The following MSI1 variants were observed in gnomAD, a reference collection of about 807,000 sequenced individuals.
MSI1 encodes the protein RNA-binding protein Musashi homolog 1.
Under a neutral mutation model 54.4 loss-of-function variants are expected in MSI1, and 15 were observed. That is an observed-to-expected ratio of 0.28 (90% confidence interval 0.18 to 0.42). The LOEUF (loss-of-function observed/expected upper bound fraction) is 0.42. Among genes scored for constraint, MSI1 ranks in the 20% least tolerant of loss-of-function variants. The pLI, the probability that MSI1 is intolerant of heterozygous loss-of-function variation, is 1.00. For synonymous variants in MSI1, 200 were observed against 196.5 expected (o/e 1.02, Z -0.15); for missense variants, 304 against 506.0 (o/e 0.60, Z 3.83).
At chr12:120,345,778 G>T in intron 13 of MSI1, 146 bp from the exon 14 acceptor site, 1 of 941,920 alleles carries the variant, frequency 1.1e-6, no homozygotes, top group Non-Finnish European at 1.7e-6. Flanking sequence ...CTGCCTACCC[G>T]GATCACCCCC....
intron 11 of MSI1, 79 bp from the exon 12 acceptor site, chr12:120,347,593 G>C (rs1874246066): frequency 1.3e-6 from 2 of 1,571,670 alleles, no homozygotes; most frequent in African/African-American, 1.3e-5. Flanking sequence ...CTTTTAGGCA[G>C]AGCCTGTCCA....
At position 120,368,929 on chromosome 12, in the gene MSI1, AGGG is replaced by A; in HGVS notation, c.60-59_60-57del. 1 of 1,306,028 alleles carries A rather than the reference AGGG, an allele frequency of 7.7e-7. No individual in the cohort carries two copies. The highest frequency in any genetic ancestry group is 9.9e-7 in the Non-Finnish European group (1 of 1,008,960). 80.9% of individuals were successfully genotyped at this position (1,306,028 alleles called of 1,614,324 possible). ...GCGTGAGCGCCGGGCGCCAGGGCGC[AGGG>A]GGCGCGGGCCCGGGCTCCGGGGAGG... is the stretch of plus-strand genomic sequence containing the variant. On this transcript the variant is annotated intron_variant, in intron 1 of 14. Coordinates refer to ENST00000257552, the MANE Select transcript of MSI1 (RefSeq NM_002442.4). This position sits in a 1 kb window ranked among gnomAD's most constrained non-coding sequence, Gnocchi z 6.6.
At chr12:120,358,950 G>GC (rs1431955187) in intron 7 of MSI1, 55 bp downstream of exon 7, 3 of 1,545,476 alleles carry the variant, frequency 1.9e-6, no homozygotes, top group Admixed American at 2.0e-5. Flanking sequence ...GTGACCTGCA[G>GC]CCCCCTGGCT....
chr12:120,363,231 A>C (rs1875795691), intron 5 of MSI1, 96 bp from the exon 6 acceptor site: 5 of 991,666 alleles, frequency 5.0e-6, no homozygotes, highest in African/African-American at 1.6e-5. Flanking sequence ...GCCAGCTGAC[A>C]AGCTCTCTGT....
chr12:120,358,547 G>A (rs186134826), intron 7 of MSI1, among the ~76,000 whole-genome samples: 389 of 152,330 alleles, frequency 2.6e-3, no homozygotes, highest in Non-Finnish European at 4.2e-3. Context: ...TAAGGCCCTC[G>A]GGAGAAAAAC....
chr12:120,366,705 C>G (rs2238161), intron 4 of MSI1, among the ~76,000 whole-genome samples: 8,820 of 152,262 alleles, frequency 0.058, 387 homozygotes, highest in Admixed American at 0.15. Context: ...CCTCCCACCC[C>G]CTTTCCCAGG....
Position 120,347,527 on chromosome 12 carries a change from G to A in MSI1, c.791-13C>T. The A allele has an allele frequency of 6.2e-7, 1 of 1,614,054 alleles. No homozygotes were observed. ...GTGAGAGGAATGGCTGAAAGGAAAG[G>A]GATGGGCACATCAGCATGGCGGTGA... On this transcript the variant is annotated splice_polypyrimidine_tract_variant and intron_variant, in intron 11 of 14. Coordinates refer to ENST00000257552, the MANE Select transcript of MSI1 (RefSeq NM_002442.4).
chr12:120,359,289 C>T (rs1297705786), intron 6 of MSI1, among the ~76,000 whole-genome samples: 3 of 152,206 alleles, frequency 2.0e-5, no homozygotes, highest in African/African-American at 7.2e-5. Context: ...CCCAACATTC[C>T]CTGCATGGTA....
At chr12:120,365,179 G>A (rs765368087) in intron 4 of MSI1, among the ~76,000 whole-genome samples, 6 of 152,096 alleles carry the variant, frequency 3.9e-5, no homozygotes, top group African/African-American at 9.7e-5. Flanking sequence ...CCAAAGTCCC[G>A]GGATTACAGG....
intron 6 of MSI1, among the ~76,000 whole-genome samples, chr12:120,362,669 G>A (rs555170700): frequency 1.3e-5 from 2 of 152,308 alleles, no homozygotes; most frequent in African/African-American, 4.8e-5. Flanking sequence ...AAGGAGTGGG[G>A]AAAGGTTCAA....
intron 10 of MSI1, among the ~76,000 whole-genome samples, chr12:120,352,860 A>G (rs1874746899): frequency 6.6e-6 from 1 of 152,170 alleles, no homozygotes; most frequent in Non-Finnish European, 1.5e-5. Flanking sequence ...ACTGGTTTTC[A>G]GCATTTAGGG....
At chr12:120,359,208 C>T (rs947492317) in intron 6 of MSI1, among the ~76,000 whole-genome samples, 155 bp from the exon 7 acceptor site, 16 of 152,180 alleles carry the variant, frequency 1.1e-4, no homozygotes, top group African/African-American at 3.6e-4. Context: ...CTTCTGCAAC[C>T]CCACTGAAAA....
intron 9 of MSI1, among the ~76,000 whole-genome samples, chr12:120,355,928 C>A (rs776358343): frequency 6.6e-6 from 1 of 151,910 alleles, no homozygotes; most frequent in African/African-American, 2.4e-5. Flanking sequence ...GGCATAAAGA[C>A]CCCCTTGTAC....
At position 120,368,133 on chromosome 12, in the gene MSI1, A is replaced by T. The variant is rs774560578; in HGVS notation, c.183-41T>A. 8.7e-6 allele frequency: 14 copies of T among 1,601,738 alleles called. No homozygotes were observed. The African/African-American group carries it at 1.5e-4, about 17-fold the overall frequency. On this transcript the variant is annotated intron_variant, in intron 3 of 14. Transcript: ENST00000257552. This position sits in a 1 kb window ranked among gnomAD's most constrained non-coding sequence, Gnocchi z 6.6. ...AGGGAGAGGCAGATGGTTACAAGGC[A>T]GTGAGTGGCGGGTGGAGGGGGGCGA...
In MSI1 at chr12:120,368,946, G is replaced by C; in HGVS notation, c.60-73C>G. ...CAGGGCGCAGGGGGCGCGGGCCCGG[G>C]CTCCGGGGAGGCCCGGCCGGACCCG... On this transcript the variant is annotated intron_variant, in intron 1 of 14. Transcript: ENST00000257552. This position sits in a 1 kb window ranked among gnomAD's most constrained non-coding sequence, Gnocchi z 6.6. 1 of 1,243,864 alleles carries C rather than the reference G, an allele frequency of 8.0e-7. No individual in the cohort carries two copies. Among genetic ancestry groups the C allele is most frequent in the East Asian group, 4.1e-5 (1 of 24,570 alleles). The allele number at this position is 1,243,864 out of a possible 1,614,324, so 77.1% of individuals were successfully genotyped here. A position where few individuals can be genotyped will look rare whatever the true frequency, so the allele number is the denominator to read the frequency against.
intron 7 of MSI1, 122 bp from the exon 8 acceptor site, chr12:120,358,020 T>C: frequency 1.3e-6 from 1 of 786,528 alleles, no homozygotes; most frequent in Non-Finnish European, 2.2e-6. Flanking sequence ...AATGAAAGGC[T>C]CTGCTCACAG....
intron 9 of MSI1, among the ~76,000 whole-genome samples, chr12:120,354,552 C>T (rs1874911974): frequency 6.6e-6 from 1 of 152,196 alleles, no homozygotes; most frequent in Non-Finnish European, 1.5e-5. Context: ...CTGCCTAAGC[C>T]TCCCGAGGAG....
chr12:120,367,789 AG>A (rs1157124240), intron 4 of MSI1, among the ~76,000 whole-genome samples: 6 of 151,788 alleles, frequency 4.0e-5, no homozygotes, highest in East Asian at 1.9e-4. Context: ...GGACTAGGGG[AG>A]GGGGGATGTA....
At chr12:120,352,857 T>G (rs938566412) in intron 10 of MSI1, among the ~76,000 whole-genome samples, 1 of 152,288 alleles carries the variant, frequency 6.6e-6, no homozygotes, top group East Asian at 1.9e-4. Context: ...TCAACTGGTT[T>G]TCAGCATTTA....
Sources: gnomAD v4.1 joint callset for allele counts (sites outside exome capture counted in the v4.1 genomes callset) on GRCh38, gnomAD v4.1.1 for gene constraint, Gnocchi (gnomAD v3.1) non-coding constraint, MANE v1.5 for transcripts, NCBI Gene and HGNC (gene_info 2026-07-23, HGNC 2026-07-21) for gene names.